The following TENM2 variants were observed in gnomAD, a reference collection of about 807,000 sequenced individuals.
The protein encoded by TENM2 is teneurin-2.
A neutral mutation model predicts 245.2 loss-of-function variants in TENM2; 52 were observed. That is an observed-to-expected ratio of 0.21 (90% CI 0.17 to 0.27). The LOEUF is 0.27. Among genes scored for constraint, TENM2 ranks in the 10% least tolerant of loss-of-function variants. The pLI is 1.00. For missense variants in TENM2, 3,046 were observed against 3,666.8 expected, an observed-to-expected ratio of 0.83 and a Z score of 4.37; for synonymous variants, 1,363 against 1,438.9, an observed-to-expected ratio of 0.95 and a Z score of 1.19.
At position 167,684,321 on chromosome 5, in the gene TENM2, A is replaced by G. The variant is rs542317220; in HGVS notation, c.503-191665A>G. Among the ~76,000 whole-genome samples the G allele has an allele frequency of 7.2e-5, 11 of 152,308 alleles. 1 individual carries two copies. The South Asian group carries it at 2.3e-3, about 32-fold the overall frequency. On this transcript the variant is annotated intron_variant, in intron 2 of 28. Coordinates refer to ENST00000518659, the Ensembl canonical transcript of TENM2. The stretch of plus-strand genomic sequence containing the variant: ...GGTAGCCTTTGTCTCACATAAGCAC[A>G]AAGCAGGAGGCTTTTGCATTCTGGA...
the TENM2 span, among the ~76,000 whole-genome samples, chr5:167,067,941 A>G: frequency 1.3e-5 from 2 of 152,206 alleles, no homozygotes; most frequent in Non-Finnish European, 2.9e-5. Flanking sequence ...TGCCATTAAA[A>G]GCAAATAAAA....
chr5:168,200,995 G>A (rs114493896), intron 17 of TENM2, among the ~76,000 whole-genome samples: 1,683 of 152,238 alleles, frequency 0.011, 39 homozygotes, highest in African/African-American at 0.038. Context: ...TGTATCAGAC[G>A]TTCCTTTTGT....
At chr5:167,380,692 C>T (rs1331155639) in intron 2 of TENM2, among the ~76,000 whole-genome samples, 1 of 152,120 alleles carries the variant, frequency 6.6e-6, no homozygotes, top group Non-Finnish European at 1.5e-5. Context: ...GTGTAATCTC[C>T]AGGCCTTCAG....
At position 167,628,702 on chromosome 5, in the gene TENM2, T is replaced by G. The variant is rs1778675552; in HGVS notation, c.503-247284T>G. Among the ~76,000 whole-genome samples, 3 of 152,194 alleles carry G rather than the reference T, an allele frequency of 2.0e-5. No individual in the cohort carries two copies. In the South Asian group the frequency reaches 6.2e-4, roughly 32 times the overall value. On this transcript the variant is annotated intron_variant, in intron 2 of 28. Coordinates refer to ENST00000518659, the Ensembl canonical transcript of TENM2. ...AATCCTGCCTGTAATACTTGATAAT[T>G]TTATACTTTTGGACAAATAACCTCT...
chr5:167,779,614 T>C (rs1764048076), intron 2 of TENM2, among the ~76,000 whole-genome samples: 1 of 152,228 alleles, frequency 6.6e-6, no homozygotes, highest in Non-Finnish European at 1.5e-5. Flanking sequence ...GTCTTGGCAC[T>C]CACTAACTTA....
intron 25 of TENM2, among the ~76,000 whole-genome samples, chr5:168,243,359 A>C (rs1309910644): frequency 6.6e-6 from 1 of 152,166 alleles, no homozygotes; most frequent in African/African-American, 2.4e-5. Flanking sequence ...ATTCCTTTCA[A>C]ATCTAAGTAA....
chr5:167,578,112 C>T (rs1774838062), intron 2 of TENM2, among the ~76,000 whole-genome samples: 1 of 152,174 alleles, frequency 6.6e-6, no homozygotes, highest in African/African-American at 2.4e-5. Flanking sequence ...GAGGGGTGAT[C>T]TGGTAGCTTT....
chr5:168,010,812 C>T (rs538843451), intron 5 of TENM2, among the ~76,000 whole-genome samples: 2 of 152,334 alleles, frequency 1.3e-5, no homozygotes, highest in East Asian at 3.9e-4. Context: ...GCTTGGCAAG[C>T]ACTGTCCGTG....
intron 2 of TENM2, among the ~76,000 whole-genome samples, chr5:167,383,241 AT>A (rs573652472): frequency 5.3e-4 from 80 of 152,186 alleles, no homozygotes; most frequent in Non-Finnish European, 9.3e-4. Flanking sequence ...AAATGCCAAA[AT>A]GAGCAATGTA....
At chr5:167,056,253 C>T in the TENM2 span, among the ~76,000 whole-genome samples, 1 of 151,642 alleles carries the variant, frequency 6.6e-6, no homozygotes, top group South Asian at 2.1e-4. Flanking sequence ...GTTATACTGG[C>T]AACAAATTCC....
At chr5:168,203,636 T>C in intron 17 of TENM2, 53 bp from the exon 20 acceptor site, 1 of 1,516,188 alleles carries the variant, frequency 6.6e-7, no homozygotes, top group Non-Finnish European at 9.0e-7. Context: ...TCTGGAGTAA[T>C]CAAGTAAACT....
the TENM2 span, among the ~76,000 whole-genome samples, chr5:167,254,316 A>G: frequency 2.6e-5 from 4 of 152,124 alleles, no homozygotes; most frequent in African/African-American, 4.8e-5. Flanking sequence ...AAAGCCCAGG[A>G]AAGAAAGGCA....
intron 27 of TENM2, among the ~76,000 whole-genome samples, chr5:168,250,038 G>A (rs1260388696): frequency 6.6e-6 from 1 of 152,110 alleles, no homozygotes; most frequent in Non-Finnish European, 1.5e-5. Flanking sequence ...AAGGAAATCA[G>A]GATGGCTGGA....
At chr5:167,652,713 T>C (rs748430466) in intron 2 of TENM2, among the ~76,000 whole-genome samples, 31 of 152,216 alleles carry the variant, frequency 2.0e-4, no homozygotes, top group Non-Finnish European at 4.0e-4. Context: ...ATCCTTTCTA[T>C]GTATGCCTTT....
At chr5:167,460,854 C>T (rs1766252468) in intron 2 of TENM2, among the ~76,000 whole-genome samples, 1 of 152,084 alleles carries the variant, frequency 6.6e-6, no homozygotes, top group Non-Finnish European at 1.5e-5. Context: ...TTTTGTTTTT[C>T]AGATTTATCA....
intron 2 of TENM2, among the ~76,000 whole-genome samples, chr5:167,488,256 C>G (rs1356633819): frequency 6.6e-6 from 1 of 152,086 alleles, no homozygotes; most frequent in South Asian, 2.1e-4. Context: ...AAAAATGACC[C>G]TAACTCTTCC....
At chr5:167,844,862 A>AAAG (rs397773666) in intron 2 of TENM2, among the ~76,000 whole-genome samples, 5 of 150,848 alleles carry the variant, frequency 3.3e-5, no homozygotes, top group Non-Finnish European at 7.4e-5. Flanking sequence ...AAAAAAAAAA[A>AAAG]TCCTTCGTAG....
chr5:167,657,382 G>T (rs1040746665), intron 2 of TENM2, among the ~76,000 whole-genome samples: 4 of 152,134 alleles, frequency 2.6e-5, no homozygotes, highest in Admixed American at 2.6e-4. Context: ...CCATTCATCT[G>T]TTGGTGGACA....
chr5:167,214,197 G>T, the TENM2 span, among the ~76,000 whole-genome samples: 1 of 152,178 alleles, frequency 6.6e-6, no homozygotes, highest in Non-Finnish European at 1.5e-5. Flanking sequence ...GATTGGAAGA[G>T]CCCTGATTTA....
Sources: allele counts gnomAD v4.1 joint callset (sites outside exome capture counted in the v4.1 genomes callset), GRCh38; gene constraint gnomAD v4.1.1; transcripts MANE v1.5; gene names NCBI Gene and HGNC (gene_info 2026-07-23, HGNC 2026-07-21).